Variants in MNAT1 observed in about 807,000 individuals in gnomAD.
The protein encoded by MNAT1 is CDK-activating kinase assembly factor MAT1.
Under a neutral mutation model 42.0 loss-of-function variants are expected in MNAT1, and 43 were observed. That is an observed-to-expected ratio of 1.02 (90% confidence interval 0.80 to 1.32). The LOEUF (loss-of-function observed/expected upper bound fraction) is 1.32. Among genes scored for constraint, MNAT1 ranks in the 40% most tolerant of loss-of-function variants. The pLI, the probability that MNAT1 is intolerant of heterozygous loss-of-function variation, is 0.00. For missense variants in MNAT1, 306 were observed against 350.4 expected, an observed-to-expected ratio of 0.87 and a Z score of 1.01; for synonymous variants, 118 against 120.0, an observed-to-expected ratio of 0.98 and a Z score of 0.11.
intron 4 of MNAT1, 152 bp downstream of exon 4, chr14:60,808,580 T>A (rs1380688596): frequency 2.0e-6 from 1 of 493,450 alleles, no homozygotes; most frequent in Non-Finnish European, 3.6e-6. Context: ...TGTATAGGTA[T>A]GTAGGTAGGC....
At chr14:60,780,474 A>G in intron 1 of MNAT1, 1 of 1,525,330 alleles carries the variant, frequency 6.6e-7, no homozygotes, top group Non-Finnish European at 9.1e-7. Context: ...GTACCTGAAA[A>G]ATGGGAAGAG....
intron 2 of MNAT1, among the ~76,000 whole-genome samples, chr14:60,796,909 TTACGTGTTAGC>T (rs1455254566): frequency 6.6e-6 from 1 of 151,994 alleles, no homozygotes; most frequent in Non-Finnish European, 1.5e-5. Context: ...TTAGAGAAAA[TTACGTGTTAGC>T]TATAGTTTAT....
intron 7 of MNAT1, among the ~76,000 whole-genome samples, chr14:60,943,042 G>GCT: frequency 2.0e-5 from 2 of 101,658 alleles, no homozygotes; most frequent in African/African-American, 4.9e-5. Context: ...GTGTGTGTGT[G>GCT]TGTGTGTGCG....
intron 7 of MNAT1, among the ~76,000 whole-genome samples, chr14:60,885,590 T>C (rs1440747065): frequency 6.6e-6 from 1 of 152,062 alleles, no homozygotes; most frequent in East Asian, 1.9e-4. Flanking sequence ...CTTTGCCCAT[T>C]TTTAAGTTGA....
chr14:60,759,892 T>G (rs1222981854), intron 1 of MNAT1, among the ~76,000 whole-genome samples: 1 of 152,208 alleles, frequency 6.6e-6, no homozygotes, highest in Non-Finnish European at 1.5e-5. Context: ...AAAAGAAATT[T>G]TTTTAAATTA....
chr14:60,806,656 CCTGTCT>C (rs1203828373), intron 3 of MNAT1, among the ~76,000 whole-genome samples: 1 of 152,140 alleles, frequency 6.6e-6, no homozygotes, highest in Non-Finnish European at 1.5e-5. Context: ...ATGGTGAAGC[CCTGTCT>C]CTACTGAAAT....
intron 3 of MNAT1, among the ~76,000 whole-genome samples, chr14:60,805,965 A>T (rs1692196958): frequency 6.6e-6 from 1 of 152,212 alleles, no homozygotes; most frequent in African/African-American, 2.4e-5. Context: ...CTGTCTTCCA[A>T]AGTGGCTATA....
chr14:60,849,275 G>A (rs946804615), intron 6 of MNAT1, among the ~76,000 whole-genome samples: 1 of 151,890 alleles, frequency 6.6e-6, no homozygotes, highest in African/African-American at 2.4e-5. Flanking sequence ...TCATTTCTGG[G>A]GCTTACTTTT....
chr14:60,800,877 G>C (rs2032181549), intron 3 of MNAT1, among the ~76,000 whole-genome samples: 1 of 152,118 alleles, frequency 6.6e-6, no homozygotes, highest in African/African-American at 2.4e-5. Flanking sequence ...GTTCAATTCA[G>C]CAAGTTTTTA....
chr14:60,809,832 C>T (rs779599896), intron 4 of MNAT1, among the ~76,000 whole-genome samples: 3 of 151,886 alleles, frequency 2.0e-5, no homozygotes, highest in Admixed American at 2.0e-4. Context: ...CTTGTGGTAC[C>T]TTTGTCTGGT....
chr14:60,854,888 A>G (rs751509086), intron 6 of MNAT1, among the ~76,000 whole-genome samples: 6 of 152,188 alleles, frequency 3.9e-5, no homozygotes, highest in Non-Finnish European at 8.8e-5. Flanking sequence ...GCAGGCAGGA[A>G]CAATTCAATC....
At chr14:60,909,544 T>C (rs150474436) in intron 7 of MNAT1, among the ~76,000 whole-genome samples, 36,440 of 151,954 alleles carry the variant, frequency 0.24, 4,717 homozygotes, top group Middle Eastern at 0.3. Context: ...CTACATATGG[T>C]TAGCCAGTTT....
chr14:60,766,690 C>T (rs753968744), intron 1 of MNAT1, among the ~76,000 whole-genome samples: 6 of 152,150 alleles, frequency 3.9e-5, no homozygotes, highest in Non-Finnish European at 5.9e-5. Context: ...AGCCTGGCGA[C>T]AGAGCAAGAC....
chr14:60,800,187 A>G (rs2032156861), intron 3 of MNAT1, among the ~76,000 whole-genome samples: 1 of 142,494 alleles, frequency 7.0e-6, no homozygotes, highest in South Asian at 2.2e-4. Flanking sequence ...TAAAGTGTGT[A>G]AGGTTGGGGA....
At chr14:60,838,820 T>C (rs2033467764) in intron 6 of MNAT1, among the ~76,000 whole-genome samples, 1 of 152,074 alleles carries the variant, frequency 6.6e-6, no homozygotes, top group Non-Finnish European at 1.5e-5. Flanking sequence ...GCCTGGCCTT[T>C]TCCTGCTCCC....
At chr14:60,958,623 C>CTTTT (rs71114171) in intron 7 of MNAT1, among the ~76,000 whole-genome samples, 129,471 of 140,788 alleles carry the variant, frequency 0.92, 60,054 homozygotes, top group Non-Finnish European at 0.99. Flanking sequence ...TTCCTTCTTT[C>CTTTT]GAGACAAGGT....
intron 1 of MNAT1, among the ~76,000 whole-genome samples, chr14:60,756,204 C>T (rs968675123): frequency 1.3e-5 from 2 of 152,086 alleles, no homozygotes; most frequent in African/African-American, 2.4e-5. Context: ...CTGTTCATAA[C>T]GAGCTGTCTA....
chr14:60,808,538 C>G, intron 4 of MNAT1, 110 bp downstream of exon 4: 1 of 681,420 alleles, frequency 1.5e-6, no homozygotes, highest in African/African-American at 1.9e-5. Context: ...GAAAATTTAG[C>G]TGAAATTTAG....
chr14:60,870,131 C>T (rs1486703862), intron 6 of MNAT1, among the ~76,000 whole-genome samples: 3 of 152,078 alleles, frequency 2.0e-5, no homozygotes, highest in Non-Finnish European at 2.9e-5. Context: ...TCCAATGTTC[C>T]TATGTTGCTC....
Sources: allele counts gnomAD v4.1 joint callset (sites outside exome capture counted in the v4.1 genomes callset), GRCh38; gene constraint gnomAD v4.1.1; transcripts MANE v1.5; gene names NCBI Gene and HGNC (gene_info 2026-07-23, HGNC 2026-07-21).